Variants in NCKAP5L observed in about 807,000 individuals in gnomAD.
NCKAP5L encodes the protein NCK associated protein 5 like, also known as nck-associated protein 5-like.
NCKAP5L carries 54 observed loss-of-function variants against 103.2 expected under a neutral mutation model. That is an observed-to-expected ratio of 0.52 (90% CI 0.42 to 0.66). NCKAP5L has a LOEUF of 0.66. Among genes scored for constraint, NCKAP5L ranks in the 30% least tolerant of loss-of-function variants. The pLI is 0.00. For synonymous variants in NCKAP5L, 762 were observed against 748.6 expected, an observed-to-expected ratio of 1.02 and a Z score of -0.29; for missense variants, 1,733 against 1,750.6, an observed-to-expected ratio of 0.99 and a Z score of 0.18.
intron 1 of NCKAP5L, among the ~76,000 whole-genome samples, chr12:49,822,616 T>G (rs1473041922): frequency 1.3e-5 from 2 of 151,260 alleles, no homozygotes; most frequent in Non-Finnish European, 2.9e-5. Flanking sequence ...GCTCAATCTC[T>G]GCTCACTGCA....
chr12:49,818,602 C>A (rs1465444849), intron 1 of NCKAP5L, among the ~76,000 whole-genome samples: 3 of 152,154 alleles, frequency 2.0e-5, no homozygotes, highest in Non-Finnish European at 2.9e-5. Flanking sequence ...CTCAAGCAAT[C>A]TGCCTGCCTC....
Position 49,795,492 on chromosome 12 carries a change from C to T in NCKAP5L, c.2368G>A (p.Val790Ile). The change falls in exon 8 of 13, where the codon GTA becomes ATA. Residue 790 changes from valine to isoleucine, a missense_variant. Coordinates refer to ENST00000335999, the MANE Select transcript of NCKAP5L (RefSeq NM_001037806.4). ...SRLAGALCPQ[V>I]PRTPAKVPTS... ...GGCACTTTGGCAGGGGTACGGGGTA[C>T]CTGGGGGCACAGGGCCCCTGCCAGC... 6.5e-7 allele frequency: 1 copy of T among 1,534,812 alleles called. No homozygotes were observed. Among genetic ancestry groups the T allele is most frequent in the East Asian group, 2.3e-5 (1 of 44,278 alleles).
chr12:49,826,879 C>T (rs1479112642), intron 1 of NCKAP5L, among the ~76,000 whole-genome samples: 13 of 152,162 alleles, frequency 8.5e-5, no homozygotes. Flanking sequence ...TCGTGAGGGC[C>T]AGAGCTGGAG....
In NCKAP5L at chr12:49,792,241, G is replaced by C; in HGVS notation, c.3793-190C>G. 1 of 1,166,088 alleles carries C rather than the reference G, an allele frequency of 8.6e-7. No individual in the cohort carries two copies. 72.2% of individuals were successfully genotyped at this position (1,166,088 alleles called of 1,614,324 possible). A position where few individuals can be genotyped will look rare whatever the true frequency, so the allele number is the denominator to read the frequency against. ...GAACAGTCCTACAAGGTTCTGGGGA[G>C]GGACAGAAACCTTTCCCCACGAGAG... On this transcript the variant is annotated intron_variant, in intron 12 of 12. Transcript: ENST00000335999. This position sits in a 1 kb window ranked among gnomAD's most constrained non-coding sequence, Gnocchi z 4.5.
chr12:49,794,608 C>CCCA (rs1207254898), intron 8 of NCKAP5L, among the ~76,000 whole-genome samples, 157 bp downstream of exon 8: 2 of 148,570 alleles, frequency 1.3e-5, no homozygotes, highest in African/African-American at 2.5e-5. Context: ...GTCACTGACC[C>CCCA]CCCCACCAGC....
rs776289160 is a variant in NCKAP5L at position 49,795,446 on chromosome 12, C to T, written c.2414G>A (p.Gly805Asp). The T allele has an allele frequency of 1.9e-6, 3 of 1,574,180 alleles. No individual in the cohort carries two copies. The highest frequency in any genetic ancestry group is 3.9e-5 in the Admixed American group (2 of 51,890). The change falls in exon 8 of 13, where the codon GGC becomes GAC. Residue 805 changes from glycine (G) to aspartate (D), a missense_variant. By Grantham distance (94) the Gly-to-Asp change is moderately conservative. Coordinates refer to ENST00000335999, the MANE Select transcript of NCKAP5L (RefSeq NM_001037806.4). ...GCTGTGAGGGCTCTTATTGGGCTTG[C>T]CCAGGCTTGGGGCTGAGGTTGGCAC... The part of the protein sequence containing the change: ...AKVPTSAPSL[G>D]KPNKSPHSSP...
chr12:49,801,823 G>A (rs377690465), intron 6 of NCKAP5L, 25 bp downstream of exon 6: 20 of 1,613,236 alleles, frequency 1.2e-5, no homozygotes, highest in Non-Finnish European at 1.7e-5. Context: ...AGTGCGATGG[G>A]AGTGAAAGGA....
chr12:49,814,483 CAAAA>C (rs1048441446), intron 1 of NCKAP5L, among the ~76,000 whole-genome samples: 1 of 78,488 alleles, frequency 1.3e-5, no homozygotes, highest in Admixed American at 1.3e-4. Flanking sequence ...GACACCGTCT[CAAAA>C]AAAAAAAAAA....
At position 49,792,458 on chromosome 12, in the gene NCKAP5L, G is replaced by T. The variant is rs1440726543; in HGVS notation, c.3780C>A (p.Pro1260=). The T allele has an allele frequency of 6.2e-7, 1 of 1,613,410 alleles. No individual in the cohort carries two copies. Among genetic ancestry groups the T allele is most frequent in the East Asian group, 2.2e-5 (1 of 44,886 alleles). ...CTGCAATTCTCACCATGGGGGTCCT[G>T]GGCAGCCCCTCCAGTTGTCGGGGTG... ...MCPPRQLEGL[P]RTPMALPVDR... Residue 1260 remains proline (P), a synonymous_variant, in exon 12 of 13, where the codon CCC becomes CCA. Coordinates refer to ENST00000335999, the MANE Select transcript of NCKAP5L (RefSeq NM_001037806.4). This position sits in a 1 kb window ranked among gnomAD's most constrained non-coding sequence, Gnocchi z 4.5.
chr12:49,815,349 TTG>T (rs1354514273), intron 1 of NCKAP5L, among the ~76,000 whole-genome samples: 1 of 152,238 alleles, frequency 6.6e-6, no homozygotes, highest in Non-Finnish European at 1.5e-5. Context: ...TAAGGAATAA[TTG>T]TCCCTTCATC....
At chr12:49,826,030 C>T (rs1361192684) in intron 1 of NCKAP5L, among the ~76,000 whole-genome samples, 1 of 152,082 alleles carries the variant, frequency 6.6e-6, no homozygotes, top group East Asian at 1.9e-4. Context: ...CTCACTGCTG[C>T]CACTGGCTGG....
Position 49,796,295 on chromosome 12 carries a change from C to T in NCKAP5L, c.1565G>A (p.Ser522Asn). 6.5e-7 allele frequency: 1 copy of T among 1,546,332 alleles called. No homozygotes were observed. Among genetic ancestry groups the T allele is most frequent in the Non-Finnish European group, 8.7e-7 (1 of 1,145,636 alleles). Residue 522 changes from serine (S) to asparagine (N), a missense_variant, in exon 8 of 13, where the codon AGC (serine) becomes AAC (asparagine). Ser to Asn is a conservative substitution (Grantham distance 46, BLOSUM62 1). Coordinates refer to ENST00000335999, the MANE Select transcript of NCKAP5L (RefSeq NM_001037806.4). ...TGGGGTTGTGTAGCAGGGTGAAGGG[C>T]TGGTGGGCAGGCCTTGCGCCCCCTC... ...SPEGAQGLPT[S>N]PSPCYTTPDS... is the part of the protein sequence containing the mutation.
chr12:49,797,017 A>T lies in NCKAP5L; in HGVS notation c.843T>A (p.Pro281=), dbSNP rs750180616. The part of the protein sequence containing the change: ...GRPWGPSRGP[P]QAQGTSSGPN... ...GGCCAGAGCTGGTGCCCTGGGCCTG[A>T]GGAGGTCCCCTGCTAGGACCCCAGG... Residue 281 remains proline, a synonymous_variant, in exon 8 of 13, where the codon CCT becomes CCA. Transcript: ENST00000335999. This position sits in a 1 kb window ranked among gnomAD's most constrained non-coding sequence, Gnocchi z 4.5. The T allele has an allele frequency of 6.3e-7, 1 of 1,580,826 alleles. No individual in the cohort carries two copies. Among genetic ancestry groups the T allele is most frequent in the South Asian group, 1.2e-5 (1 of 86,926 alleles).
chr12:49,809,051 G>A (rs1946211554), intron 1 of NCKAP5L, among the ~76,000 whole-genome samples: 1 of 151,862 alleles, frequency 6.6e-6, no homozygotes, highest in African/African-American at 2.4e-5. Context: ...GTGGGGAGGG[G>A]GCCAGTTTTC....
At chr12:49,812,982 C>G (rs1592758174) in intron 1 of NCKAP5L, among the ~76,000 whole-genome samples, 1 of 152,110 alleles carries the variant, frequency 6.6e-6, no homozygotes, top group Non-Finnish European at 1.5e-5. Context: ...ATATCTAATA[C>G]AGTGTAAATG....
chr12:49,796,044 TG>T lies in NCKAP5L; in HGVS notation c.1815del (p.Ser606ValfsTer66). On this transcript the variant is annotated frameshift_variant, in exon 8 of 13. Coordinates refer to ENST00000335999, the MANE Select transcript of NCKAP5L (RefSeq NM_001037806.4). LOFTEE classifies it high-confidence loss of function. ...GGGTACGATTCTGGGAGGCAAGGACTGGGGGGTACTCCAGGGCTTCTGAGGA... is the reference window on the plus strand; with the variant it reads ...GGGTACGATTCTGGGAGGCAAGGACTGGGGGTACTCCAGGGCTTCTGAGGA... ...PEVLRSPGVP[P>X]SPCLPESYPY... The T allele has an allele frequency of 6.4e-7, 1 of 1,567,132 alleles. No homozygotes were observed.
In NCKAP5L at chr12:49,803,026, A is replaced by G. The variant is rs77756646; in HGVS notation, c.193-30T>C. ...GGACAGAAAGCCCCGAGGCAGAGCC[A>G]TCAGCTGACCCCAGCTTCTGCCAGG... On this transcript the variant is annotated intron_variant, in intron 4 of 12. Coordinates refer to ENST00000335999, the MANE Select transcript of NCKAP5L (RefSeq NM_001037806.4). 26 of 1,614,250 alleles carry G rather than the reference A, an allele frequency of 1.6e-5. No homozygotes were observed. The East Asian group carries it at 5.3e-4, about 33-fold the overall frequency.
At position 49,794,823 on chromosome 12, in the gene NCKAP5L, C is replaced by T. The variant is rs776603436; in HGVS notation, c.3037G>A (p.Gly1013Ser). 34 of 1,543,322 alleles carry T rather than the reference C, an allele frequency of 2.2e-5. No homozygotes were observed. Among genetic ancestry groups the T allele is most frequent in the Middle Eastern group, 1.7e-4 (1 of 5,904 alleles). Residue 1013 changes from glycine (G) to serine (S), a missense_variant, in exon 8 of 13, where the codon GGC (glycine) becomes AGC (serine). By Grantham distance (56) the Gly-to-Ser change is moderately conservative. Coordinates refer to ENST00000335999, the MANE Select transcript of NCKAP5L (RefSeq NM_001037806.4). Reference sequence around the variant, plus strand: ...CCTTGGTACATGCCAGCCAGCTGGCCCTGCACCTGCCCCAGCCCCGTGTTG... The same window carrying T: ...CCTTGGTACATGCCAGCCAGCTGGCTCTGCACCTGCCCCAGCCCCGTGTTG... ...GPNTGLGQVQ[G>S]QLAGMYQGAD...
chr12:49,801,731 A>C, intron 6 of NCKAP5L, 117 bp downstream of exon 6: 1 of 1,283,188 alleles, frequency 7.8e-7, no homozygotes, highest in Non-Finnish European at 1.1e-6. Flanking sequence ...CCAGAATGGA[A>C]GGTGGACAGC....
Sources: allele counts gnomAD v4.1 joint callset (sites outside exome capture counted in the v4.1 genomes callset), GRCh38; gene constraint gnomAD v4.1.1; non-coding constraint Gnocchi (gnomAD v3.1); transcripts MANE v1.5; gene names NCBI Gene and HGNC (gene_info 2026-07-23, HGNC 2026-07-21).